Variants in GRIA4 observed in about 807,000 individuals in gnomAD.
GRIA4 encodes glutamate ionotropic receptor AMPA type subunit 4, also known as glutamate receptor 4.
GRIA4 carries 34 observed loss-of-function variants against 104.0 expected under a neutral mutation model. The ratio of observed to expected loss-of-function variants is 0.33; its 90% CI spans 0.25 to 0.44. The LOEUF is 0.44. Ranked by LOEUF, GRIA4 falls within the 20% of genes least tolerant of loss-of-function variation. The pLI is 1.00. For synonymous variants in GRIA4, 386 were observed against 381.9 expected, an observed-to-expected ratio of 1.01 and a Z score of -0.13; for missense variants, 750 against 1,096.5, an observed-to-expected ratio of 0.68 and a Z score of 4.46.
intron 3 of GRIA4, among the ~76,000 whole-genome samples, chr11:105,650,985 C>T (rs1951670299): frequency 6.6e-6 from 1 of 152,106 alleles, no homozygotes; most frequent in Admixed American, 6.6e-5. Flanking sequence ...ACATTTTACA[C>T]TTTAATCAAT....
intron 4 of GRIA4, among the ~76,000 whole-genome samples, chr11:105,817,915 C>T (rs1943442331): frequency 6.6e-6 from 1 of 152,040 alleles, no homozygotes; most frequent in Non-Finnish European, 1.5e-5. Context: ...ATATGGCAAT[C>T]ATTTTAATTT....
intron 4 of GRIA4, among the ~76,000 whole-genome samples, chr11:105,846,552 A>G (rs1476186836): frequency 1.3e-5 from 2 of 152,188 alleles, no homozygotes; most frequent in African/African-American, 4.8e-5. Context: ...TTTAAAAGAA[A>G]TAGAAGCCAA....
At chr11:105,910,645 A>G (rs1235803196) in intron 10 of GRIA4, 100 bp downstream of exon 10, 3 of 683,858 alleles carry the variant, frequency 4.4e-6, no homozygotes, top group Non-Finnish European at 8.1e-6. Context: ...ACTGTTAGCA[A>G]TGGTGACATG....
At chr11:105,670,693 C>T (rs754610067) in intron 3 of GRIA4, among the ~76,000 whole-genome samples, 2 of 152,090 alleles carry the variant, frequency 1.3e-5, no homozygotes, top group Non-Finnish European at 2.9e-5. Flanking sequence ...GGTATCATGT[C>T]AGCTAACAGT....
intron 3 of GRIA4, among the ~76,000 whole-genome samples, chr11:105,717,608 A>C (rs1329385801): frequency 6.6e-6 from 1 of 152,108 alleles, no homozygotes; most frequent in Non-Finnish European, 1.5e-5. Flanking sequence ...AAATTTTCCC[A>C]ACTTTCAAGT....
At position 105,924,388 on chromosome 11, in the gene GRIA4, T is replaced by G. The variant is rs1448375448; in HGVS notation, c.1477-11T>G. 6.4e-7 allele frequency: 1 copy of G among 1,563,608 alleles called. No individual in the cohort carries two copies. Among genetic ancestry groups the G allele is most frequent in the Admixed American group, 1.8e-5 (1 of 54,460 alleles). ...TAACCTATGTGTCTCCATGTGTTTT[T>G]TCTCTTATAGAAAGCAGAGATTGCT... On this transcript the variant is annotated splice_polypyrimidine_tract_variant and intron_variant, in intron 11 of 16. Transcript: ENST00000282499.
At chr11:105,646,994 A>C (rs1331137544) in intron 3 of GRIA4, among the ~76,000 whole-genome samples, 3 of 152,258 alleles carry the variant, frequency 2.0e-5, no homozygotes, top group Admixed American at 2.0e-4. Flanking sequence ...CAGAAAAACA[A>C]ACTATCAGCA....
rs1938337775 is a variant in GRIA4, at chr11:105,728,114, T to TA, written c.248-24867_248-24866insA. ...ATAGAATCAAGACCTATCAGTGTGC[T>TA]GTATTCAGGAGACCCATGTCATGTG... On this transcript the variant is annotated intron_variant, in intron 3 of 16. Transcript: ENST00000282499. 4.6e-5 allele frequency among the ~76,000 whole-genome samples: 7 copies of TA among 152,316 alleles called. No homozygotes were observed. The South Asian group carries it at 1.4e-3, about 32-fold the overall frequency.
At chr11:105,914,026 T>C (rs187044881) in intron 10 of GRIA4, among the ~76,000 whole-genome samples, 32 of 151,966 alleles carry the variant, frequency 2.1e-4, no homozygotes, top group African/African-American at 7.0e-4. Flanking sequence ...ATGTGCATTA[T>C]AATAACATAC....
chr11:105,830,985 C>T (rs1037721382), intron 4 of GRIA4, among the ~76,000 whole-genome samples: 1 of 151,974 alleles, frequency 6.6e-6, no homozygotes, highest in Non-Finnish European at 1.5e-5. Flanking sequence ...CACACACACA[C>T]ACACATTTTT....
intron 14 of GRIA4, among the ~76,000 whole-genome samples, chr11:105,936,402 CT>C (rs1037979185): frequency 1.3e-5 from 2 of 152,098 alleles, no homozygotes; most frequent in African/African-American, 4.8e-5. Context: ...AACAATCTAT[CT>C]TTTTTTAATC....
intron 3 of GRIA4, among the ~76,000 whole-genome samples, chr11:105,620,908 T>G (rs572499458): frequency 6.0e-5 from 9 of 151,110 alleles, no homozygotes; most frequent in Admixed American, 2.0e-4. Context: ...TTCCATTTTT[T>G]GGGGGGGGTC....
rs780974328 is a variant in GRIA4 at position 105,979,678 on chromosome 11, A to C, written c.2648A>C (p.His883Pro). ...ACGCCTGACTGCCCAAAGGCTGTAC[A>C]CACTGGAACTGCAATCAGACAAAGT... Reference protein sequence around the residue: ...VLTPDCPKAVHTGTAIRQSSG... With the variant: ...VLTPDCPKAVPTGTAIRQSSG... Residue 883 changes from histidine (H) to proline (P), a missense_variant, in exon 17 of 17, where the codon CAC becomes CCC. Physicochemically the swap from His to Pro is moderately conservative, Grantham distance 77. Transcript: ENST00000282499. 40 of 1,613,844 alleles carry C rather than the reference A, an allele frequency of 2.5e-5. No individual in the cohort carries two copies. The highest frequency in any genetic ancestry group is 3.1e-5 in the Non-Finnish European group (36 of 1,179,784).
intron 4 of GRIA4, among the ~76,000 whole-genome samples, chr11:105,779,366 A>C (rs1422544140): frequency 6.6e-6 from 1 of 152,164 alleles, no homozygotes; most frequent in Non-Finnish European, 1.5e-5. Flanking sequence ...CATACTGCCC[A>C]AGGTAATTTA....
chr11:105,894,066 A>G (rs1946553929), intron 6 of GRIA4, among the ~76,000 whole-genome samples: 1 of 152,194 alleles, frequency 6.6e-6, no homozygotes, highest in Admixed American at 6.5e-5. Context: ...TCATTTACTG[A>G]ATTCAAACCA....
intron 3 of GRIA4, among the ~76,000 whole-genome samples, chr11:105,673,718 T>A (rs1952446680): frequency 6.6e-6 from 1 of 152,044 alleles, no homozygotes; most frequent in Non-Finnish European, 1.5e-5. Flanking sequence ...TTTATTATAT[T>A]TATTTTGAAG....
At chr11:105,684,546 C>CATATATAT (rs72399419) in intron 3 of GRIA4, among the ~76,000 whole-genome samples, 27 of 144,986 alleles carry the variant, frequency 1.9e-4, no homozygotes, top group South Asian at 4.3e-4. Context: ...TATATATATA[C>CATATATAT]ATATATATAT....
At chr11:105,761,514 G>C (rs925986457) in intron 4 of GRIA4, among the ~76,000 whole-genome samples, 1 of 151,952 alleles carries the variant, frequency 6.6e-6, no homozygotes, top group Admixed American at 6.6e-5. Flanking sequence ...TAAATAATTT[G>C]CCCAAACTCA....
intron 4 of GRIA4, among the ~76,000 whole-genome samples, chr11:105,786,667 C>T (rs1324456246): frequency 6.6e-6 from 1 of 152,026 alleles, no homozygotes; most frequent in Non-Finnish European, 1.5e-5. Flanking sequence ...TTTTATTAAA[C>T]GTGTATGTGT....
Sources: gnomAD v4.1 joint callset for allele counts (sites outside exome capture counted in the v4.1 genomes callset) on GRCh38, gnomAD v4.1.1 for gene constraint, MANE v1.5 for transcripts, NCBI Gene and HGNC (gene_info 2026-07-23, HGNC 2026-07-21) for gene names.